Variants in SGCZ observed in about 807,000 individuals in gnomAD.
SGCZ encodes the protein zeta-sarcoglycan.
Under a neutral mutation model 41.3 loss-of-function variants are expected in SGCZ, and 40 were observed. The observed-to-expected ratio is 0.97, with a 90% CI of 0.75 to 1.26. SGCZ has a LOEUF of 1.26. Ranked by LOEUF, SGCZ falls within the 50% of genes most tolerant of loss-of-function variation. The pLI, the probability that SGCZ is intolerant of heterozygous loss-of-function variation, is 0.00. For synonymous variants in SGCZ, 206 were observed against 137.5 expected (o/e 1.50, Z -3.49); for missense variants, 552 against 369.8 (o/e 1.49, Z -4.04).
chr8:14,314,098 G>A (rs1228327118), intron 3 of SGCZ, among the ~76,000 whole-genome samples: 2 of 152,050 alleles, frequency 1.3e-5, no homozygotes, highest in African/African-American at 4.8e-5. Flanking sequence ...GACATACAAT[G>A]GTGTAATCTG....
intron 1 of SGCZ, among the ~76,000 whole-genome samples, chr8:14,690,010 G>C (rs915027101): frequency 1.8e-4 from 27 of 152,024 alleles, no homozygotes; most frequent in African/African-American, 6.5e-4. Flanking sequence ...ATTAAGCAAT[G>C]GTGAATTCTT....
chr8:14,164,127 AC>A (rs1804133744), intron 5 of SGCZ, among the ~76,000 whole-genome samples: 1 of 152,138 alleles, frequency 6.6e-6, no homozygotes, highest in Non-Finnish European at 1.5e-5. Flanking sequence ...TTATTTACAT[AC>A]TTTTGAGGAT....
intron 1 of SGCZ, among the ~76,000 whole-genome samples, chr8:14,990,687 AT>A (rs1294398869): frequency 1.3e-5 from 2 of 152,220 alleles, no homozygotes; most frequent in African/African-American, 4.8e-5. Flanking sequence ...ATCATATACT[AT>A]AATGTAATAA....
chr8:14,248,474 G>A (rs768310813), intron 3 of SGCZ, among the ~76,000 whole-genome samples: 3 of 152,026 alleles, frequency 2.0e-5, no homozygotes, highest in Non-Finnish European at 4.4e-5. Context: ...AAAGTAAGTA[G>A]GGAACTAAGC....
At chr8:14,878,832 G>T (rs1208619621) in intron 1 of SGCZ, among the ~76,000 whole-genome samples, 1 of 152,170 alleles carries the variant, frequency 6.6e-6, no homozygotes, top group Non-Finnish European at 1.5e-5. Flanking sequence ...CAGTAAAAGA[G>T]AGCATAGTTT....
intron 3 of SGCZ, among the ~76,000 whole-genome samples, chr8:14,243,320 C>T (rs796936952): frequency 9.2e-5 from 14 of 152,284 alleles, no homozygotes; most frequent in African/African-American, 3.4e-4. Context: ...TCTAATCTTC[C>T]TAAATATTCA....
chr8:14,524,835 T>C (rs960372139), intron 2 of SGCZ, among the ~76,000 whole-genome samples: 2 of 152,096 alleles, frequency 1.3e-5, no homozygotes, highest in Admixed American at 1.3e-4. Flanking sequence ...CTTTTTGTTT[T>C]TTTTAAAGCA....
At chr8:15,177,071 G>C (rs1388122239) in intron 1 of SGCZ, among the ~76,000 whole-genome samples, 1 of 152,162 alleles carries the variant, frequency 6.6e-6, no homozygotes, top group Non-Finnish European at 1.5e-5. Flanking sequence ...TTTAATGTGT[G>C]AGCATTATTC....
intron 1 of SGCZ, among the ~76,000 whole-genome samples, chr8:14,666,764 T>A (rs945400732): frequency 6.6e-6 from 1 of 152,034 alleles, no homozygotes; most frequent in African/African-American, 2.4e-5. Context: ...CATTTAATTA[T>A]TATTTTACGC....
chr8:14,272,395 T>C (rs1001375410), intron 3 of SGCZ, among the ~76,000 whole-genome samples: 8 of 152,190 alleles, frequency 5.3e-5, no homozygotes, highest in African/African-American at 1.9e-4. Flanking sequence ...CATTGCACTA[T>C]TGTCCTGAAT....
At chr8:14,714,693 A>C (rs1244757201) in intron 1 of SGCZ, among the ~76,000 whole-genome samples, 1 of 152,232 alleles carries the variant, frequency 6.6e-6, no homozygotes, top group Non-Finnish European at 1.5e-5. Flanking sequence ...AAGATAAATA[A>C]AACATAATCA....
intron 3 of SGCZ, among the ~76,000 whole-genome samples, chr8:14,290,335 C>CAA (rs1800797561): frequency 2.6e-5 from 4 of 151,322 alleles, no homozygotes; most frequent in Non-Finnish European, 5.9e-5. Flanking sequence ...AATATAGACA[C>CAA]ATGAGGTTAG....
intron 1 of SGCZ, among the ~76,000 whole-genome samples, chr8:15,121,205 T>G (rs550975894): frequency 7.2e-5 from 11 of 152,054 alleles, no homozygotes; most frequent in Admixed American, 4.6e-4. Flanking sequence ...TGAAGTTATA[T>G]TTTGTAGTTT....
At chr8:14,729,301 A>G (rs1810157056) in intron 1 of SGCZ, among the ~76,000 whole-genome samples, 1 of 152,184 alleles carries the variant, frequency 6.6e-6, no homozygotes, top group Non-Finnish European at 1.5e-5. Flanking sequence ...GACCACATGA[A>G]TGAACCTTTC....
intron 1 of SGCZ, among the ~76,000 whole-genome samples, chr8:14,687,927 G>T (rs1483909820): frequency 6.6e-6 from 1 of 152,150 alleles, no homozygotes; most frequent in Non-Finnish European, 1.5e-5. Context: ...GTTTTGATGT[G>T]CATTTCTCTG....
intron 1 of SGCZ, among the ~76,000 whole-genome samples, chr8:15,153,438 A>T (rs900706748): frequency 1.3e-5 from 2 of 152,190 alleles, no homozygotes; most frequent in African/African-American, 4.8e-5. Flanking sequence ...TGCCAGACAG[A>T]GAGACACATC....
intron 1 of SGCZ, among the ~76,000 whole-genome samples, chr8:14,961,403 A>G (rs1168812263): frequency 1.3e-5 from 2 of 152,130 alleles, no homozygotes; most frequent in African/African-American, 2.4e-5. Context: ...AATGTGTATT[A>G]CAGTAGATTC....
chr8:14,674,998 G>A (rs1479404511), intron 1 of SGCZ, among the ~76,000 whole-genome samples: 1 of 130,480 alleles, frequency 7.7e-6, no homozygotes, highest in African/African-American at 3.0e-5. Context: ...AAGTACAGTG[G>A]CGTGAACCCA....
At chr8:14,347,201 T>C (rs147115556) in intron 2 of SGCZ, among the ~76,000 whole-genome samples, 1,737 of 152,164 alleles carry the variant, frequency 0.011, 30 homozygotes, top group African/African-American at 0.039. Flanking sequence ...TAACATTTGA[T>C]AGAGCCTGGC....
Sources: allele counts gnomAD v4.1 joint callset (sites outside exome capture counted in the v4.1 genomes callset), GRCh38; gene constraint gnomAD v4.1.1; transcripts MANE v1.5; gene names NCBI Gene and HGNC (gene_info 2026-07-23, HGNC 2026-07-21).